CAMTA1: variants seen among roughly 807,000 people sequenced by gnomAD.
The protein encoded by CAMTA1 is calmodulin binding transcription activator 1.
A neutral mutation model predicts 170.9 loss-of-function variants in CAMTA1; 27 were observed. That is an observed-to-expected ratio of 0.16 (90% confidence interval 0.12 to 0.22). The LOEUF is 0.22. CAMTA1 is among the 10% of genes least tolerant of loss of function. The pLI, the probability that CAMTA1 is intolerant of heterozygous loss-of-function variation, is 1.00. For missense variants in CAMTA1, 1,619 were observed against 2,217.2 expected, an observed-to-expected ratio of 0.73 and a Z score of 5.42; for synonymous variants, 833 against 891.5, an observed-to-expected ratio of 0.93 and a Z score of 1.17.
chr1:7,198,272 C>T (rs1263137965), intron 4 of CAMTA1, among the ~76,000 whole-genome samples: 1 of 152,010 alleles, frequency 6.6e-6, no homozygotes. Flanking sequence ...GCTGACCCTG[C>T]ATTTGGAGGC....
intron 18 of CAMTA1, among the ~76,000 whole-genome samples, chr1:7,746,600 G>A (rs1222831021): frequency 6.6e-6 from 1 of 152,162 alleles, no homozygotes; most frequent in Non-Finnish European, 1.5e-5. Flanking sequence ...GGCCAGGGCG[G>A]GAATGGGGCT....
intron 11 of CAMTA1, among the ~76,000 whole-genome samples, chr1:7,711,906 AG>A (rs2096573649): frequency 6.6e-6 from 1 of 152,238 alleles, no homozygotes; most frequent in African/African-American, 2.4e-5. Context: ...AATGGCAGGT[AG>A]GTTCCCAGGC....
chr1:7,254,953 G>A (rs1311312814), intron 5 of CAMTA1, among the ~76,000 whole-genome samples: 1 of 152,208 alleles, frequency 6.6e-6, no homozygotes, highest in African/African-American at 2.4e-5. Context: ...GCTCACAGAA[G>A]GCAAACAAAC....
chr1:7,495,259 G>A (rs1019602312), intron 6 of CAMTA1, among the ~76,000 whole-genome samples: 1 of 152,172 alleles, frequency 6.6e-6, no homozygotes, highest in African/African-American at 2.4e-5. Flanking sequence ...CCATTATTTA[G>A]CAAGTTTTCC....
rs1659716021 is a variant in CAMTA1, at chr1:7,216,167, G to A, written c.303-33324G>A. Among the ~76,000 whole-genome samples the A allele has an allele frequency of 1.3e-5, 2 of 152,122 alleles. No individual in the cohort carries two copies. Among genetic ancestry groups the A allele is most frequent in the East Asian group, 1.9e-4 (1 of 5,186 alleles). On this transcript the variant is annotated intron_variant, in intron 4 of 22. Transcript: ENST00000303635. The surrounding 1 kb of genome is among the most constrained non-coding windows in gnomAD (Gnocchi z 4.0). Reference sequence around the variant, plus strand: ...GCAGGAGGAAGAGGGTGAAGGGGGAGGTCCTGCACTCTTCCAAACAACCAG... The same window carrying A: ...GCAGGAGGAAGAGGGTGAAGGGGGAAGTCCTGCACTCTTCCAAACAACCAG...
At chr1:7,373,174 T>C (rs965308222) in intron 5 of CAMTA1, among the ~76,000 whole-genome samples, 4 of 152,204 alleles carry the variant, frequency 2.6e-5, no homozygotes, top group African/African-American at 9.6e-5. Flanking sequence ...GTCCTGTGCA[T>C]TGTAGGACAT....
chr1:7,310,606 TTC>T (rs759695617), intron 5 of CAMTA1, among the ~76,000 whole-genome samples: 2,720 of 10,644 alleles, frequency 0.26, 34 homozygotes, highest in Middle Eastern at 0.29. Flanking sequence ...TTTCTTTTCT[TTC>T]TTTCTTTCTT....
chr1:6,804,953 C>T (rs1247961678), intron 1 of CAMTA1, among the ~76,000 whole-genome samples: 1 of 152,164 alleles, frequency 6.6e-6, no homozygotes, highest in Non-Finnish European at 1.5e-5. Context: ...AGTTATTCCA[C>T]TTTTTGGCTA....
chr1:7,135,819 T>C (rs1328090598), intron 4 of CAMTA1, among the ~76,000 whole-genome samples: 1 of 152,182 alleles, frequency 6.6e-6, no homozygotes, highest in Non-Finnish European at 1.5e-5. Context: ...ACAGAGATCC[T>C]TTCAAAACCC....
chr1:7,168,348 G>T (rs1191877737), intron 4 of CAMTA1, among the ~76,000 whole-genome samples: 1 of 152,140 alleles, frequency 6.6e-6, no homozygotes, highest in African/African-American at 2.4e-5. Context: ...TTACTGAGCA[G>T]ATTAGAACTT....
chr1:7,518,491 C>T (rs533982849), intron 6 of CAMTA1, among the ~76,000 whole-genome samples: 2 of 152,016 alleles, frequency 1.3e-5, no homozygotes, highest in Non-Finnish European at 2.9e-5. Flanking sequence ...GAAGTCCCCC[C>T]ACGGGGCAGT....
rs910443045 is a variant in CAMTA1, at chr1:7,325,238, G to A, written c.438+75612G>A. ...CAGATTCTAAACAATAAACATCCAC[G>A]AGGAAATGATAGAAGATATCAGAAG... On this transcript the variant is annotated intron_variant, in intron 5 of 22. Coordinates refer to ENST00000303635, the MANE Select transcript of CAMTA1 (RefSeq NM_015215.4). The surrounding 1 kb of genome is among the most constrained non-coding windows in gnomAD (Gnocchi z 5.0). Among the ~76,000 whole-genome samples the A allele has an allele frequency of 5.3e-5, 8 of 152,148 alleles. No individual in the cohort carries two copies. Among genetic ancestry groups the A allele is most frequent in the East Asian group, 3.8e-4 (2 of 5,198 alleles).
In CAMTA1 at chr1:7,284,109, T is replaced by C. The variant is rs181478148; in HGVS notation, c.438+34483T>C. On this transcript the variant is annotated intron_variant, in intron 5 of 22. Transcript: ENST00000303635. ...TCAGCCCTGCCACATAGAAATGCTGTTTCGGTATTTGCTGCTGTTCTTCTT... is the reference window on the plus strand; with the variant it reads ...TCAGCCCTGCCACATAGAAATGCTGCTTCGGTATTTGCTGCTGTTCTTCTT... 5.6e-4 allele frequency among the ~76,000 whole-genome samples: 85 copies of C among 151,560 alleles called. 1 individual carries two copies. The highest frequency in any genetic ancestry group is 3.5e-3 in the Middle Eastern group (1 of 288).
intron 1 of CAMTA1, among the ~76,000 whole-genome samples, chr1:6,819,241 A>C (rs1161799990): frequency 1.3e-5 from 2 of 152,228 alleles, no homozygotes; most frequent in African/African-American, 4.8e-5. Context: ...TTAATACTGC[A>C]GCCAAACAAA....
intron 5 of CAMTA1, among the ~76,000 whole-genome samples, chr1:7,298,118 A>G (rs534607602): frequency 1.3e-5 from 2 of 152,302 alleles, no homozygotes; most frequent in South Asian, 4.1e-4. Flanking sequence ...TTAGGCTGGT[A>G]TCTGTCTGTA....
At chr1:7,759,668 A>G (rs561460710) in intron 22 of CAMTA1, among the ~76,000 whole-genome samples, 3 of 152,342 alleles carry the variant, frequency 2.0e-5, no homozygotes, top group East Asian at 1.9e-4. Flanking sequence ...TTTAAAGTAC[A>G]TATGCTGAAA....
At chr1:7,731,982 T>C (rs965028505) in intron 11 of CAMTA1, among the ~76,000 whole-genome samples, 36 of 151,834 alleles carry the variant, frequency 2.4e-4, no homozygotes, top group African/African-American at 7.7e-4. Flanking sequence ...TTTTTTTTTG[T>C]AAAAACTCAG....
At chr1:7,356,674 C>A (rs1017128407) in intron 5 of CAMTA1, among the ~76,000 whole-genome samples, 11 of 152,020 alleles carry the variant, frequency 7.2e-5, no homozygotes. Flanking sequence ...CTTGGCTCTG[C>A]AGGTACCCAG....
Position 6,901,200 on chromosome 1 carries a change from A to T in CAMTA1, c.234+75990A>T, listed in dbSNP as rs56016684. 2.6e-3 allele frequency among the ~76,000 whole-genome samples: 398 copies of T among 152,352 alleles called. 1 individual carries two copies. The highest frequency in any genetic ancestry group is 9.3e-3 in the African/African-American group (385 of 41,584). On this transcript the variant is annotated intron_variant, in intron 3 of 22. Transcript: ENST00000303635. ...CAACTGGACATTCATGTGCAAATAA[A>T]ATGAACCTCAACCCATACCCCATAC...
Sources: allele counts gnomAD v4.1 joint callset (sites outside exome capture counted in the v4.1 genomes callset), GRCh38; gene constraint gnomAD v4.1.1; non-coding constraint Gnocchi (gnomAD v3.1); transcripts MANE v1.5; gene names NCBI Gene and HGNC (gene_info 2026-07-23, HGNC 2026-07-21).